Variants in GRM5 observed in about 807,000 individuals in gnomAD.
GRM5 encodes the protein metabotropic glutamate receptor 5.
Under a neutral mutation model 83.1 loss-of-function variants are expected in GRM5, and 19 were observed. The observed-to-expected ratio is 0.23, with a 90% confidence interval of 0.16 to 0.34. The LOEUF is 0.34. GRM5 is among the 10% of genes least tolerant of loss of function. GRM5 has a pLI of 1.00. For synonymous variants in GRM5, 675 were observed against 633.6 expected, an observed-to-expected ratio of 1.07 and a Z score of -0.98; for missense variants, 1,160 against 1,588.3, an observed-to-expected ratio of 0.73 and a Z score of 4.58.
intron 1 of GRM5, among the ~76,000 whole-genome samples, chr11:89,065,398 T>C (rs947894742): frequency 7.0e-6 from 1 of 142,142 alleles, no homozygotes; most frequent in African/African-American, 3.0e-5. Context: ...TTTCCTCCTC[T>C]GTTTTTTTTT....
rs537506790 is a variant in GRM5 at position 88,716,026 on chromosome 11, A to G, written c.912-62623T>C. The stretch of plus-strand genomic sequence containing the variant: ...CAGCTTTTGAATTCTATGACTTTCT[A>G]TCATTACAGAACTTTCTCACAAAAA... On this transcript the variant is annotated intron_variant, in intron 3 of 9. Transcript: ENST00000305447. Among the ~76,000 whole-genome samples, 9 of 152,106 alleles carry G rather than the reference A, an allele frequency of 5.9e-5. No individual in the cohort carries two copies. The South Asian group carries it at 1.9e-3, about 31-fold the overall frequency.
At chr11:88,696,593 C>T (rs926240740) in intron 3 of GRM5, among the ~76,000 whole-genome samples, 1 of 152,134 alleles carries the variant, frequency 6.6e-6, no homozygotes, top group Non-Finnish European at 1.5e-5. Flanking sequence ...ATTGGGATTT[C>T]CAAGTCAGAC....
intron 2 of GRM5, among the ~76,000 whole-genome samples, chr11:88,876,144 G>T: frequency 6.6e-6 from 1 of 151,994 alleles, no homozygotes; most frequent in Non-Finnish European, 1.5e-5. Context: ...GTATTGTTTC[G>T]TGTAACCACC....
chr11:88,902,403 T>G (rs1348001785), intron 2 of GRM5, among the ~76,000 whole-genome samples: 1 of 152,156 alleles, frequency 6.6e-6, no homozygotes, highest in Non-Finnish European at 1.5e-5. Flanking sequence ...AAGTGGTCCA[T>G]GTAAAGCACT....
chr11:88,847,608 G>T (rs957422440), intron 3 of GRM5, among the ~76,000 whole-genome samples: 8 of 152,080 alleles, frequency 5.3e-5, no homozygotes, highest in African/African-American at 1.9e-4. Context: ...AAAAACATGG[G>T]CCAAGAGGCA....
intron 2 of GRM5, among the ~76,000 whole-genome samples, chr11:88,993,474 A>G (rs1440040458): frequency 6.6e-6 from 1 of 152,086 alleles, no homozygotes; most frequent in Non-Finnish European, 1.5e-5. Context: ...TGAACTGAGT[A>G]CCATACTTTC....
At chr11:88,670,853 G>A (rs548673420) in intron 3 of GRM5, among the ~76,000 whole-genome samples, 1 of 152,130 alleles carries the variant, frequency 6.6e-6, no homozygotes, top group African/African-American at 2.4e-5. Context: ...GATTTTAAGA[G>A]CATAGGTTGG....
intron 2 of GRM5, among the ~76,000 whole-genome samples, chr11:88,993,265 C>CAAAAA (rs71046275): frequency 9.7e-6 from 1 of 102,636 alleles, no homozygotes; most frequent in Non-Finnish European, 1.8e-5. Context: ...GACTCTGTCT[C>CAAAAA]AAAAAAAAAA....
chr11:88,809,755 T>C (rs991887778), intron 3 of GRM5, among the ~76,000 whole-genome samples: 5 of 136,446 alleles, frequency 3.7e-5, no homozygotes, highest in Admixed American at 1.5e-4. Context: ...CCAGGTATAA[T>C]GCAGTTAATA....
chr11:88,595,840 T>C (rs1024711877), intron 6 of GRM5, among the ~76,000 whole-genome samples: 6 of 152,306 alleles, frequency 3.9e-5, no homozygotes, highest in African/African-American at 7.2e-5. Flanking sequence ...CTCTACCTTT[T>C]CTTCCTTTTT....
intron 2 of GRM5, among the ~76,000 whole-genome samples, chr11:88,972,382 G>T (rs974981042): frequency 1.3e-5 from 2 of 152,010 alleles, no homozygotes; most frequent in African/African-American, 4.8e-5. Context: ...GCCCCTCTCA[G>T]GTTTATTCTC....
chr11:88,621,956 G>T (rs10501673), intron 4 of GRM5, among the ~76,000 whole-genome samples: 26,086 of 152,112 alleles, frequency 0.17, 2,326 homozygotes, highest in African/African-American at 0.2. Context: ...GTAGAAAGTA[G>T]ATCTATATAA....
Position 88,653,300 on chromosome 11 carries a change from C to T in GRM5, c.1015G>A (p.Asp339Asn). 6.2e-7 allele frequency: 1 copy of T among 1,612,978 alleles called. No individual in the cohort carries two copies. The highest frequency in any genetic ancestry group is 8.5e-7 in the Non-Finnish European group (1 of 1,179,258). ...TCTGGCCGGAGCTTCAGATAATAAT[C>T]ATCAAACCACTTGACATCGGGAGAT... ...LQSPDVKWFDDYYLKLRPETN... is the reference protein window; with the variant it reads ...LQSPDVKWFDNYYLKLRPETN... The change falls in exon 4 of 10, where the codon GAT becomes AAT. Residue 339 changes from aspartate to asparagine, a missense_variant. Physicochemically the swap from Asp to Asn is conservative, Grantham distance 23. This residue lies in a region of GRM5 where 132 missense variants were observed against 197.6 expected (regional missense o/e 0.67). Coordinates refer to ENST00000305447, the MANE Select transcript of GRM5 (RefSeq NM_001143831.3).
intron 3 of GRM5, among the ~76,000 whole-genome samples, chr11:88,813,414 C>G (rs1943618289): frequency 6.6e-6 from 1 of 152,146 alleles, no homozygotes; most frequent in Non-Finnish European, 1.5e-5. Context: ...AGTACCACTT[C>G]AGAGTCAGCC....
intron 1 of GRM5, among the ~76,000 whole-genome samples, chr11:89,060,285 T>TACAC (rs36002872): frequency 0.018 from 1,451 of 80,880 alleles, 35 homozygotes; most frequent in African/African-American, 0.041. Context: ...TATATATATA[T>TACAC]ACACACACAC....
chr11:88,876,236 T>C (rs1194791192), intron 2 of GRM5, among the ~76,000 whole-genome samples: 3 of 152,156 alleles, frequency 2.0e-5, no homozygotes, highest in Non-Finnish European at 2.9e-5. Context: ...TTTTAGGTTA[T>C]AGAGATGGCT....
intron 2 of GRM5, among the ~76,000 whole-genome samples, chr11:88,931,858 G>A (rs1289346379): frequency 1.3e-5 from 2 of 151,850 alleles, no homozygotes; most frequent in South Asian, 2.1e-4. Context: ...TTATATCTTC[G>A]CTACTGTCTC....
At chr11:88,539,128 T>TG (rs975123345) in intron 8 of GRM5, among the ~76,000 whole-genome samples, 1 of 152,222 alleles carries the variant, frequency 6.6e-6, no homozygotes, top group Non-Finnish European at 1.5e-5. Flanking sequence ...TTTCTCAGTC[T>TG]GGGGACTGAT....
intron 3 of GRM5, among the ~76,000 whole-genome samples, chr11:88,774,426 T>G (rs1034094354): frequency 6.6e-6 from 1 of 152,212 alleles, no homozygotes; most frequent in Non-Finnish European, 1.5e-5. Flanking sequence ...CATTTCCTAA[T>G]TGAATACCCT....
Sources: gnomAD v4.1 joint callset for allele counts (sites outside exome capture counted in the v4.1 genomes callset) on GRCh38, gnomAD v4.1.1 for gene constraint, gnomAD v4.1.1 regional missense constraint, MANE v1.5 for transcripts, NCBI Gene and HGNC (gene_info 2026-07-23, HGNC 2026-07-21) for gene names.